SAMD4A: variants seen among roughly 807,000 people sequenced by gnomAD.
The protein encoded by SAMD4A is sterile alpha motif domain containing 4A, also known as protein Smaug homolog 1.
A neutral mutation model predicts 81.3 loss-of-function variants in SAMD4A; 33 were observed. The observed-to-expected ratio is 0.41, with a 90% CI of 0.31 to 0.54. The LOEUF is 0.54. Ranked by LOEUF, SAMD4A falls within the 20% of genes least tolerant of loss-of-function variation. The pLI is 0.37. For synonymous variants in SAMD4A, 389 were observed against 382.1 expected (o/e 1.02, Z -0.21); for missense variants, 854 against 951.1 (o/e 0.90, Z 1.34).
chr14:54,688,931 CTTTTTT>C (rs71127666), intron 2 of SAMD4A, among the ~76,000 whole-genome samples: 2 of 116,094 alleles, frequency 1.7e-5, no homozygotes, highest in African/African-American at 6.3e-5. Flanking sequence ...AGTCGTAATT[CTTTTTT>C]TTTTTTTTTT....
chr14:54,687,767 T>C lies in SAMD4A; in HGVS notation c.197-14295T>C, dbSNP rs929392758. Among the ~76,000 whole-genome samples, 3 of 152,108 alleles carry C rather than the reference T, an allele frequency of 2.0e-5. No homozygotes were observed. The South Asian group carries it at 6.2e-4, about 32-fold the overall frequency. On this transcript the variant is annotated intron_variant, in intron 2 of 12. Transcript: ENST00000554335. Reference sequence around the variant, plus strand: ...TAAGTGCCGTATTGATTTGGGGGAATGGGAGGGTAAGGGCCTCAAGAAATG... The same window carrying C: ...TAAGTGCCGTATTGATTTGGGGGAACGGGAGGGTAAGGGCCTCAAGAAATG...
At chr14:54,765,287 C>G (rs1209302987) in intron 8 of SAMD4A, among the ~76,000 whole-genome samples, 8 of 152,156 alleles carry the variant, frequency 5.3e-5, no homozygotes, top group Admixed American at 2.0e-4. Context: ...CCAGATAAAC[C>G]TAGGATGGTG....
chr14:54,724,039 A>AGGAAGGAG (rs2037348218), intron 3 of SAMD4A, among the ~76,000 whole-genome samples: 1 of 150,984 alleles, frequency 6.6e-6, no homozygotes, highest in African/African-American at 2.5e-5. Flanking sequence ...GAAGGAAGGA[A>AGGAAGGAG]GGAAGGAAGG....
At chr14:54,565,613 C>T (rs1039177385), upstream of SAMD4A, among the ~76,000 whole-genome samples, 1 of 152,200 alleles carries the variant, frequency 6.6e-6, no homozygotes, top group African/African-American at 2.4e-5. This position sits in a 1 kb window ranked among gnomAD's most constrained non-coding sequence, Gnocchi z 5.4. Flanking sequence ...TCTCACCGCC[C>T]GGGGGCCAAA....
intron 2 of SAMD4A, among the ~76,000 whole-genome samples, chr14:54,659,881 C>T (rs932295904): frequency 2.0e-5 from 3 of 152,146 alleles, no homozygotes; most frequent in Non-Finnish European, 2.9e-5. Flanking sequence ...CACTGTGGGT[C>T]ATGGGGGCTT....
chr14:54,762,928 T>C lies in SAMD4A; in HGVS notation c.1511-1527T>C, dbSNP rs376235160. On this transcript the variant is annotated intron_variant, in intron 7 of 12. Coordinates refer to ENST00000554335, the MANE Select transcript of SAMD4A (RefSeq NM_015589.6). ...GGAGTGCAGTGGCGCGATCTAGGCT[T>C]ACTGCAAGCTCCACCTCCCAGGTTC... Among the ~76,000 whole-genome samples the C allele has an allele frequency of 3.0e-3, 449 of 151,752 alleles. 2 individuals are homozygous for C. Among genetic ancestry groups the C allele is most frequent in the African/African-American group, 0.01 (419 of 41,388 alleles).
At chr14:54,666,687 A>G (rs1594786983) in intron 2 of SAMD4A, among the ~76,000 whole-genome samples, 1 of 152,290 alleles carries the variant, frequency 6.6e-6, no homozygotes, top group African/African-American at 2.4e-5. Context: ...TCAGCTTATA[A>G]ATAGCATGTA....
rs370559344 is a variant in SAMD4A, at chr14:54,788,965, C to T, written c.*21C>T. 73 of 1,613,678 alleles carry T rather than the reference C, an allele frequency of 4.5e-5. No individual in the cohort carries two copies. Among genetic ancestry groups the T allele is most frequent in the Admixed American group, 2.3e-4 (14 of 60,008 alleles). ...TCTAGAAGCTGAAGACGAGAGTGAC[C>T]GCGCTGGCCGTGAAATCGACTGCTG... On this transcript the variant is annotated 3_prime_UTR_variant, in exon 13 of 13. Coordinates refer to ENST00000554335, the MANE Select transcript of SAMD4A (RefSeq NM_015589.6).
intron 2 of SAMD4A, among the ~76,000 whole-genome samples, chr14:54,665,306 A>G (rs1449238317): frequency 6.6e-6 from 1 of 152,248 alleles, no homozygotes; most frequent in Non-Finnish European, 1.5e-5. Flanking sequence ...GCAGATCCCA[A>G]AGATAAGTAT....
At chr14:54,751,198 G>A (rs1024230592) in intron 5 of SAMD4A, among the ~76,000 whole-genome samples, 2 of 152,198 alleles carry the variant, frequency 1.3e-5, no homozygotes, top group Admixed American at 1.3e-4. Context: ...CAAGGCTGCA[G>A]TGAGCTAAGA....
intron 2 of SAMD4A, among the ~76,000 whole-genome samples, chr14:54,655,041 A>C (rs563392970): frequency 5.3e-5 from 8 of 152,148 alleles, no homozygotes; most frequent in Non-Finnish European, 1.2e-4. Flanking sequence ...TTTTCATCGG[A>C]GACTAGGATC....
chr14:54,607,955 G>A (rs577009289), intron 2 of SAMD4A, among the ~76,000 whole-genome samples: 1 of 146,276 alleles, frequency 6.8e-6, no homozygotes, highest in East Asian at 2.1e-4. Flanking sequence ...GGCAGAGGTT[G>A]CAATGAGCCC....
At chr14:54,568,311 C>T (rs2033012150) in intron 2 of SAMD4A, among the ~76,000 whole-genome samples, 199 bp downstream of exon 2, 1 of 151,926 alleles carries the variant, frequency 6.6e-6, no homozygotes. Flanking sequence ...CTCCGCCGGC[C>T]GCTTTGGGAT....
chr14:54,676,826 A>C (rs1342039844), intron 2 of SAMD4A, among the ~76,000 whole-genome samples: 1 of 152,244 alleles, frequency 6.6e-6, no homozygotes. Context: ...ATTCTCAAGA[A>C]CGTGTAGGGT....
At chr14:54,642,382 G>A (rs1351906628) in intron 2 of SAMD4A, among the ~76,000 whole-genome samples, 2 of 152,200 alleles carry the variant, frequency 1.3e-5, no homozygotes, top group Non-Finnish European at 1.5e-5. Context: ...GTGGTGGGTA[G>A]AGGAGACACA....
intron 3 of SAMD4A, among the ~76,000 whole-genome samples, chr14:54,728,524 G>A (rs906787187): frequency 2.6e-5 from 4 of 152,010 alleles, no homozygotes; most frequent in Admixed American, 6.5e-5. Context: ...AATTAGTAGT[G>A]TAAACTCAAA....
chr14:54,685,288 C>T (rs1427373105), intron 2 of SAMD4A, among the ~76,000 whole-genome samples: 1 of 146,076 alleles, frequency 6.8e-6, no homozygotes, highest in Non-Finnish European at 1.5e-5. Context: ...CCCCCCCCAG[C>T]TCCTGGCAGC....
intron 2 of SAMD4A, among the ~76,000 whole-genome samples, chr14:54,574,191 C>T (rs113732291): frequency 1.1e-3 from 171 of 152,280 alleles, no homozygotes; most frequent in African/African-American, 3.3e-3. Flanking sequence ...AGCTTACACT[C>T]GAGTTGCAGA....
At chr14:54,705,529 A>G (rs982140187) in intron 3 of SAMD4A, among the ~76,000 whole-genome samples, 8 of 152,188 alleles carry the variant, frequency 5.3e-5, no homozygotes, top group African/African-American at 1.7e-4. Context: ...CACGTTAATG[A>G]TGTTGAATAA....
Sources: gnomAD v4.1 joint callset for allele counts (sites outside exome capture counted in the v4.1 genomes callset) on GRCh38, gnomAD v4.1.1 for gene constraint, Gnocchi (gnomAD v3.1) non-coding constraint, MANE v1.5 for transcripts, NCBI Gene and HGNC (gene_info 2026-07-23, HGNC 2026-07-21) for gene names.